EML6: variants seen among roughly 807,000 people sequenced by gnomAD.
EML6 encodes the protein echinoderm microtubule-associated protein-like 6.
Under a neutral mutation model 240.1 loss-of-function variants are expected in EML6, and 154 were observed. The observed-to-expected ratio is 0.64, with a 90% CI of 0.56 to 0.73. EML6 has a LOEUF of 0.73. EML6 is among the 30% of genes least tolerant of loss of function. The pLI, the probability that EML6 is intolerant of heterozygous loss-of-function variation, is 0.00. For synonymous variants in EML6, 1,148 were observed against 899.0 expected (o/e 1.28, Z -4.95); for missense variants, 2,964 against 2,474.6 (o/e 1.20, Z -4.20).
chr2:54,933,962 A>T (rs1674997022), intron 28 of EML6, among the ~76,000 whole-genome samples: 2 of 152,156 alleles, frequency 1.3e-5, no homozygotes, highest in Admixed American at 1.3e-4. Context: ...TGGTAAAGAG[A>T]GGACAGAATG....
chr2:54,953,990 A>G lies in EML6; in HGVS notation c.4320A>G (p.Thr1440=), dbSNP rs1401445486. 4.5e-6 allele frequency: 7 copies of G among 1,550,068 alleles called. No homozygotes were observed. Among genetic ancestry groups the G allele is most frequent in the Admixed American group, 3.9e-5 (2 of 50,836 alleles). ...NVVATSQIGT[T]PSIHIWDAMT... is the part of the protein sequence containing the mutation. ...ATGCCTCTCCACACTCAGGGACAACACCTTCCATCCACATATGGGACGCCA... is the reference window on the plus strand; with the variant it reads ...ATGCCTCTCCACACTCAGGGACAACGCCTTCCATCCACATATGGGACGCCA... Residue 1440 remains threonine, a synonymous_variant, in exon 32 of 42, where the codon ACA becomes ACG. Coordinates refer to ENST00000356458, the MANE Select transcript of EML6 (RefSeq NM_001039753.4).
chr2:54,818,301 C>A (rs995675644), intron 4 of EML6, among the ~76,000 whole-genome samples: 1 of 151,980 alleles, frequency 6.6e-6, no homozygotes, highest in Non-Finnish European at 1.5e-5. Context: ...GCCTCAGCTG[C>A]CCTCCATATG....
intron 16 of EML6, 97 bp from the exon 17 acceptor site, chr2:54,879,450 C>T (rs1671702358): frequency 1.3e-6 from 1 of 761,364 alleles, no homozygotes; most frequent in South Asian, 1.8e-5. Flanking sequence ...AAATATTTAT[C>T]AGTTCTTAAG....
At chr2:54,909,480 A>G (rs1456199626) in intron 24 of EML6, among the ~76,000 whole-genome samples, 2 of 152,240 alleles carry the variant, frequency 1.3e-5, no homozygotes, top group African/African-American at 2.4e-5. Context: ...AGAAATGATT[A>G]AAGTTGTCAG....
At chr2:54,862,108 G>C (rs1239031437) in intron 12 of EML6, among the ~76,000 whole-genome samples, 1 of 151,898 alleles carries the variant, frequency 6.6e-6, no homozygotes, top group African/African-American at 2.4e-5. Flanking sequence ...GGCTAAGGCG[G>C]GTGGATCACT....
intron 2 of EML6, among the ~76,000 whole-genome samples, chr2:54,742,878 G>A (rs1260087334): frequency 6.6e-6 from 1 of 152,158 alleles, no homozygotes; most frequent in Non-Finnish European, 1.5e-5. Context: ...TTTCATCATT[G>A]ATAGGTCTTT....
intron 16 of EML6, among the ~76,000 whole-genome samples, chr2:54,878,869 G>T (rs1321195240): frequency 6.6e-6 from 1 of 152,148 alleles, no homozygotes; most frequent in Non-Finnish European, 1.5e-5. Context: ...AAGCACATTT[G>T]TGTAAAGATT....
rs1669919922 is a variant in EML6, at chr2:54,798,124, T to C, written c.198-15108T>C. ...AATTGAGTTTTTCAATCCATAAACA[T>C]AATATCTCTTCTTGTCTTTAATTTT... On this transcript the variant is annotated intron_variant, in intron 2 of 41. Coordinates refer to ENST00000356458, the MANE Select transcript of EML6 (RefSeq NM_001039753.4). Among the ~76,000 whole-genome samples the C allele has an allele frequency of 2.0e-5, 3 of 152,274 alleles. No individual in the cohort carries two copies. The South Asian group carries it at 6.2e-4, about 32-fold the overall frequency.
chr2:54,938,432 G>A (rs1675263529), intron 28 of EML6, among the ~76,000 whole-genome samples: 2 of 152,194 alleles, frequency 1.3e-5, no homozygotes, highest in Admixed American at 1.3e-4. Context: ...TCCCTCTCAT[G>A]CCTCAGTGAG....
At chr2:54,922,035 G>A (rs543814160) in intron 26 of EML6, among the ~76,000 whole-genome samples, 2 of 152,210 alleles carry the variant, frequency 1.3e-5, no homozygotes, top group African/African-American at 4.8e-5. Context: ...GGATGTAACA[G>A]CCAAAGCACA....
intron 28 of EML6, among the ~76,000 whole-genome samples, chr2:54,942,069 T>C (rs1675458670): frequency 6.6e-6 from 1 of 152,240 alleles, no homozygotes; most frequent in Non-Finnish European, 1.5e-5. Flanking sequence ...TAAATGATTT[T>C]CTTTATTCAA....
chr2:54,839,334 T>C (rs773932169), intron 7 of EML6, among the ~76,000 whole-genome samples: 1 of 152,250 alleles, frequency 6.6e-6, no homozygotes, highest in Non-Finnish European at 1.5e-5. Context: ...CACACTGATG[T>C]CTTCCTTTTT....
chr2:54,850,330 G>A, intron 10 of EML6, 112 bp downstream of exon 10: 1 of 997,850 alleles, frequency 1.0e-6, no homozygotes. Context: ...CAGGTTTTCT[G>A]GTTTTTGCCG....
intron 5 of EML6, among the ~76,000 whole-genome samples, chr2:54,821,622 C>G (rs1216090946): frequency 6.6e-6 from 1 of 151,920 alleles, no homozygotes; most frequent in Non-Finnish European, 1.5e-5. Context: ...GATATATGTA[C>G]CACTATTTAC....
intron 11 of EML6, among the ~76,000 whole-genome samples, chr2:54,858,272 G>C (rs1437036310): frequency 6.6e-6 from 1 of 152,222 alleles, no homozygotes; most frequent in Admixed American, 6.5e-5. Context: ...GGCAGAATCT[G>C]CAGTACCTTT....
At chr2:54,729,497 C>G (rs1377995988) in intron 2 of EML6, among the ~76,000 whole-genome samples, 1 of 152,214 alleles carries the variant, frequency 6.6e-6, no homozygotes, top group Non-Finnish European at 1.5e-5. Context: ...CTGATCCACC[C>G]TCTCACAGTC....
At chr2:54,832,264 G>A (rs1376516182) in intron 7 of EML6, among the ~76,000 whole-genome samples, 1 of 152,224 alleles carries the variant, frequency 6.6e-6, no homozygotes, top group African/African-American at 2.4e-5. Flanking sequence ...AGGGTCATGT[G>A]GGGAAACTTG....
intron 2 of EML6, among the ~76,000 whole-genome samples, chr2:54,808,038 C>T (rs895727371): frequency 5.9e-5 from 9 of 152,196 alleles, no homozygotes; most frequent in African/African-American, 2.2e-4. Context: ...TTTAGGGACC[C>T]CCCCTGCTTA....
intron 5 of EML6, among the ~76,000 whole-genome samples, chr2:54,822,421 A>G (rs1383966335): frequency 6.6e-6 from 1 of 152,192 alleles, no homozygotes; most frequent in Non-Finnish European, 1.5e-5. Flanking sequence ...GTATGAACCA[A>G]GAGCTGACTC....
Sources: gnomAD v4.1 joint callset for allele counts (sites outside exome capture counted in the v4.1 genomes callset) on GRCh38, gnomAD v4.1.1 for gene constraint, MANE v1.5 for transcripts, NCBI Gene and HGNC (gene_info 2026-07-23, HGNC 2026-07-21) for gene names.